The following RIMS1 variants were observed in gnomAD, a reference collection of about 807,000 sequenced individuals.
RIMS1 encodes regulating synaptic membrane exocytosis protein 1.
RIMS1 carries 83 observed loss-of-function variants against 214.1 expected under a neutral mutation model. The ratio of observed to expected loss-of-function variants is 0.39; its 90% confidence interval spans 0.32 to 0.47. The LOEUF (loss-of-function observed/expected upper bound fraction) is 0.47. Ranked by LOEUF, RIMS1 falls within the 20% of genes least tolerant of loss-of-function variation. The pLI is 0.99. For synonymous variants in RIMS1, 793 were observed against 786.8 expected, an observed-to-expected ratio of 1.01 and a Z score of -0.13; for missense variants, 2,050 against 2,161.8, an observed-to-expected ratio of 0.95 and a Z score of 1.03.
At chr6:72,176,274 C>T (rs371137445) in intron 4 of RIMS1, among the ~76,000 whole-genome samples, 49 of 152,116 alleles carry the variant, frequency 3.2e-4, no homozygotes, top group Middle Eastern at 3.4e-3. Flanking sequence ...GGCAAAGTTA[C>T]GTCTTATCCT....
At chr6:72,014,873 C>T (rs1318256084) in intron 2 of RIMS1, among the ~76,000 whole-genome samples, 1 of 152,172 alleles carries the variant, frequency 6.6e-6, no homozygotes, top group African/African-American at 2.4e-5. Flanking sequence ...GATATATCCT[C>T]TTTGGAGAAA....
At chr6:72,187,229 C>T (rs370604320) in intron 6 of RIMS1, among the ~76,000 whole-genome samples, 47 of 152,182 alleles carry the variant, frequency 3.1e-4, no homozygotes, top group Middle Eastern at 3.4e-3. Flanking sequence ...ATTGCTGCAA[C>T]CCAACTTAAA....
chr6:71,928,295 T>C (rs2150863168), intron 1 of RIMS1, among the ~76,000 whole-genome samples: 1 of 152,276 alleles, frequency 6.6e-6, no homozygotes, highest in East Asian at 1.9e-4. Flanking sequence ...CATCCTTTTA[T>C]TCAGAATGTG....
chr6:72,130,939 T>C (rs1448131243), intron 4 of RIMS1, among the ~76,000 whole-genome samples: 2 of 152,178 alleles, frequency 1.3e-5, no homozygotes, highest in African/African-American at 4.8e-5. Flanking sequence ...AAATATTCTA[T>C]CTTGTTATTT....
chr6:72,148,596 C>T lies in RIMS1; in HGVS notation c.472-30979C>T, dbSNP rs145989978. The T allele has an allele frequency of 2.6e-4, 117 of 456,778 alleles. No individual in the cohort carries two copies. The East Asian group carries it at 5.0e-3, about 20-fold the overall frequency. The allele number at this position is 456,778 out of a possible 1,614,324, so 28.3% of individuals were successfully genotyped here. ...CTATACCTCATCTATGCCATGGATACGAGCATGACCTCCTTCCATGAAGTG... is the reference window on the plus strand; with the variant it reads ...CTATACCTCATCTATGCCATGGATATGAGCATGACCTCCTTCCATGAAGTG... On this transcript the variant is annotated intron_variant, in intron 4 of 33. Coordinates refer to ENST00000521978, the MANE Select transcript of RIMS1 (RefSeq NM_014989.7).
intron 2 of RIMS1, among the ~76,000 whole-genome samples, chr6:72,088,691 T>C (rs1276300245): frequency 2.6e-5 from 4 of 152,230 alleles, no homozygotes. Flanking sequence ...AGACATGTTA[T>C]AACAGTTATT....
intron 4 of RIMS1, among the ~76,000 whole-genome samples, chr6:72,141,069 C>T (rs551605000): frequency 6.6e-6 from 1 of 152,040 alleles, no homozygotes; most frequent in East Asian, 1.9e-4. Flanking sequence ...GGTATGACTT[C>T]CAATATTTCC....
At chr6:72,054,041 C>T (rs1825438152) in intron 2 of RIMS1, among the ~76,000 whole-genome samples, 1 of 152,056 alleles carries the variant, frequency 6.6e-6, no homozygotes, top group African/African-American at 2.4e-5. Context: ...GCCCTGCATG[C>T]ATTAGCTATT....
intron 4 of RIMS1, among the ~76,000 whole-genome samples, chr6:72,113,380 A>T (rs983049638): frequency 2.0e-5 from 3 of 152,104 alleles, no homozygotes; most frequent in Non-Finnish European, 4.4e-5. Flanking sequence ...GAATATGTCT[A>T]TATTTTATTC....
chr6:71,963,654 T>C (rs1014029501), intron 1 of RIMS1, among the ~76,000 whole-genome samples: 5 of 152,192 alleles, frequency 3.3e-5, no homozygotes, highest in African/African-American at 1.2e-4. Flanking sequence ...TGAAATACTC[T>C]TTTTCTTGTG....
chr6:72,299,762 T>G (rs1233275631), intron 26 of RIMS1, among the ~76,000 whole-genome samples: 3 of 151,942 alleles, frequency 2.0e-5, no homozygotes, highest in Non-Finnish European at 2.9e-5. Context: ...AATAGCGTAC[T>G]GTGGTTGTGA....
intron 4 of RIMS1, among the ~76,000 whole-genome samples, chr6:72,114,755 A>G (rs1037064328): frequency 2.6e-5 from 4 of 151,934 alleles, no homozygotes; most frequent in Admixed American, 1.3e-4. Context: ...AAACTATAAA[A>G]CATAATTTTG....
chr6:72,208,788 G>A (rs1236327364), intron 6 of RIMS1, among the ~76,000 whole-genome samples: 7 of 151,956 alleles, frequency 4.6e-5, no homozygotes, highest in East Asian at 1.9e-4. Context: ...CTACCCAAAC[G>A]TCTTCTCTCC....
At chr6:72,237,086 G>C (rs1286564930) in intron 8 of RIMS1, among the ~76,000 whole-genome samples, 4 of 152,010 alleles carry the variant, frequency 2.6e-5, no homozygotes, top group Non-Finnish European at 5.9e-5. Flanking sequence ...CATGCCTGTA[G>C]TCCCAGCTAT....
chr6:72,152,236 C>T (rs1281373192), intron 4 of RIMS1, among the ~76,000 whole-genome samples: 1 of 152,160 alleles, frequency 6.6e-6, no homozygotes, highest in Admixed American at 6.5e-5. Flanking sequence ...ATTTTTATAG[C>T]ACTTACTATG....
intron 29 of RIMS1, among the ~76,000 whole-genome samples, chr6:72,389,616 T>G (rs1264506193): frequency 1.3e-5 from 2 of 152,188 alleles, no homozygotes; most frequent in Non-Finnish European, 1.5e-5. Context: ...TATATAGTAG[T>G]TATGTATGTA....
Position 71,978,311 on chromosome 6 carries a change from A to G in RIMS1, c.245+9248A>G, listed in dbSNP as rs896557647. Among the ~76,000 whole-genome samples, 5 of 152,292 alleles carry G rather than the reference A, an allele frequency of 3.3e-5. No homozygotes were observed. The South Asian group carries it at 6.2e-4, about 19-fold the overall frequency. ...AAATCTCACTTGTATTACTGTAGGT[A>G]TACTTATATAGCACTTCAAATATTG... On this transcript the variant is annotated intron_variant, in intron 2 of 33. Transcript: ENST00000521978.
rs147249789 is a variant in RIMS1 at position 72,081,463 on chromosome 6, G to T, written c.246-15486G>T. Among the ~76,000 whole-genome samples the T allele has an allele frequency of 1.4e-3, 211 of 152,128 alleles. 1 individual carries two copies. The highest frequency in any genetic ancestry group is 4.8e-3 in the African/African-American group (201 of 41,512). ...GTACCTTCATATTATTCAAAGTTTC[G>T]CATAGATGGTGCAATATTATGAAAG... On this transcript the variant is annotated intron_variant, in intron 2 of 33. Transcript: ENST00000521978.
chr6:72,333,833 C>T lies in RIMS1; in HGVS notation c.4364C>T (p.Thr1455Ile). The change falls in exon 29 of 34, where the codon ACA becomes ATA. Residue 1455 changes from threonine (T) to isoleucine (I), a missense_variant and splice_region_variant. Physicochemically the swap from Thr to Ile is moderately conservative, Grantham distance 89. Coordinates refer to ENST00000521978, the MANE Select transcript of RIMS1 (RefSeq NM_014989.7). ...RSRSTSQLSQ[T>I]ESGHKKLKST... ...AGAAGCACATCCCAGCTTAGTCAAACAGGTGAGTGATGTGAATTCAACCTA... is the reference window on the plus strand; with the variant it reads ...AGAAGCACATCCCAGCTTAGTCAAATAGGTGAGTGATGTGAATTCAACCTA... 6.4e-7 allele frequency: 1 copy of T among 1,570,362 alleles called. No individual in the cohort carries two copies. Among genetic ancestry groups the T allele is most frequent in the Non-Finnish European group, 8.6e-7 (1 of 1,156,316 alleles).
Sources: allele counts gnomAD v4.1 joint callset (sites outside exome capture counted in the v4.1 genomes callset), GRCh38; gene constraint gnomAD v4.1.1; transcripts MANE v1.5; gene names NCBI Gene and HGNC (gene_info 2026-07-23, HGNC 2026-07-21).